Variants in LYN observed in about 807,000 individuals in gnomAD.
LYN encodes the protein tyrosine-protein kinase Lyn.
Under a neutral mutation model 65.0 loss-of-function variants are expected in LYN, and 12 were observed. That is an observed-to-expected ratio of 0.18 (90% CI 0.12 to 0.30). The LOEUF (loss-of-function observed/expected upper bound fraction) is 0.30, where lower values mean the gene tolerates loss of function less well. LYN is among the 10% of genes least tolerant of loss of function. LYN has a pLI of 1.00. For synonymous variants in LYN, 222 were observed against 221.2 expected, an observed-to-expected ratio of 1.00 and a Z score of -0.03; for missense variants, 380 against 623.2, an observed-to-expected ratio of 0.61 and a Z score of 4.16.
At chr8:55,901,118 C>T (rs573032961) in intron 1 of LYN, among the ~76,000 whole-genome samples, 4 of 152,062 alleles carry the variant, frequency 2.6e-5, no homozygotes, top group Non-Finnish European at 4.4e-5. Flanking sequence ...TTGGGCACTT[C>T]GTGGCCGTGT....
chr8:55,995,187 T>C (rs1371042055), intron 10 of LYN, among the ~76,000 whole-genome samples: 1 of 152,144 alleles, frequency 6.6e-6, no homozygotes, highest in African/African-American at 2.4e-5. Context: ...TGCCACTGCC[T>C]GCTGTTTCTG....
chr8:55,890,901 G>A (rs1033760808), intron 1 of LYN, among the ~76,000 whole-genome samples: 12 of 151,788 alleles, frequency 7.9e-5, no homozygotes, highest in African/African-American at 2.7e-4. Flanking sequence ...CTAGTTTTTT[G>A]TATTTTTTGT....
chr8:55,966,876 A>G lies in LYN; in HGVS notation c.952A>G (p.Ile318Val). The G allele has an allele frequency of 6.2e-7, 1 of 1,613,870 alleles. No homozygotes were observed. The highest frequency in any genetic ancestry group is 1.1e-5 in the South Asian group (1 of 91,040). ...CACCAGGGAGGAGCCCATTTACATCATCACCGAGTACATGGCCAAGGGTGA... is the reference window on the plus strand; with the variant it reads ...CACCAGGGAGGAGCCCATTTACATCGTCACCGAGTACATGGCCAAGGGTGA... Reference protein sequence around the residue: ...VVTREEPIYIITEYMAKGSLL... With the variant: ...VVTREEPIYIVTEYMAKGSLL... The change falls in exon 9 of 13, where the codon ATC becomes GTC. Residue 318 changes from isoleucine (I) to valine (V), a missense_variant. Ile to Val is a conservative substitution (Grantham distance 29, BLOSUM62 3). Transcript: ENST00000519728.
intron 1 of LYN, among the ~76,000 whole-genome samples, chr8:55,923,940 T>C (rs953034793): frequency 1.3e-5 from 2 of 152,134 alleles, no homozygotes; most frequent in Non-Finnish European, 2.9e-5. Flanking sequence ...TATATTATTC[T>C]TAAATGACCA....
intron 1 of LYN, among the ~76,000 whole-genome samples, chr8:55,913,415 G>T (rs1805696748): frequency 1.3e-5 from 2 of 152,138 alleles, no homozygotes; most frequent in Non-Finnish European, 2.9e-5. Context: ...CAGGGCCCAA[G>T]AATCTATATT....
intron 1 of LYN, among the ~76,000 whole-genome samples, chr8:55,931,437 A>G (rs1237078154): frequency 2.7e-5 from 4 of 150,918 alleles, no homozygotes; most frequent in Admixed American, 2.0e-4. Context: ...GATTTTATAC[A>G]TATATAAAAT....
chr8:55,899,285 A>G (rs1244456039), intron 1 of LYN, among the ~76,000 whole-genome samples: 1 of 152,192 alleles, frequency 6.6e-6, no homozygotes, highest in Non-Finnish European at 1.5e-5. Context: ...ATGCTTGGGG[A>G]TAATAAATAT....
At position 56,012,780 on chromosome 8, in the gene LYN, G is replaced by A. The variant is rs2130609328; in HGVS notation, c.*2670G>A. On this transcript the variant is annotated 3_prime_UTR_variant, in exon 13 of 13. Coordinates refer to ENST00000519728, the MANE Select transcript of LYN (RefSeq NM_002350.4). ...GTGAATATAATGTATGCTCAGTCTT[G>A]AGAGTCACCATTTGGTTTGACCCAT... The A allele has an allele frequency of 6.6e-6, 1 of 151,996 alleles. No homozygotes were observed. The highest frequency in any genetic ancestry group is 3.5e-3 in the Middle Eastern group (1 of 288). The allele number at this position is 151,996 out of a possible 1,614,324, so 9.4% of individuals were successfully genotyped here. A position where few individuals can be genotyped will look rare whatever the true frequency, so the allele number is the denominator to read the frequency against.
chr8:55,961,458 C>T (rs2719267), intron 8 of LYN, among the ~76,000 whole-genome samples: 63,781 of 151,854 alleles, frequency 0.42, 13,750 homozygotes, highest in Middle Eastern at 0.55. Context: ...TGAAAACCAC[C>T]CTATTGTTTC....
intron 1 of LYN, among the ~76,000 whole-genome samples, chr8:55,938,364 C>G (rs1321034554): frequency 2.0e-5 from 3 of 152,160 alleles, no homozygotes; most frequent in Non-Finnish European, 1.5e-5. Flanking sequence ...ATTTACTGTT[C>G]AAAAAATGGT....
intron 1 of LYN, among the ~76,000 whole-genome samples, chr8:55,907,557 G>A (rs1805463028): frequency 6.6e-6 from 1 of 152,074 alleles, no homozygotes; most frequent in Non-Finnish European, 1.5e-5. Flanking sequence ...CATTGTAGGT[G>A]CTTTTTTTTT....
intron 8 of LYN, among the ~76,000 whole-genome samples, chr8:55,954,336 A>G (rs1330382042): frequency 2.0e-5 from 3 of 152,198 alleles, no homozygotes; most frequent in African/African-American, 7.2e-5. Context: ...AGGTTATCTT[A>G]GGGCTGGAAC....
At chr8:55,909,346 A>T (rs562395163) in intron 1 of LYN, among the ~76,000 whole-genome samples, 2 of 152,274 alleles carry the variant, frequency 1.3e-5, no homozygotes. Flanking sequence ...AGTGGGGACC[A>T]GCCATCCAGG....
chr8:55,891,225 G>T (rs1251425984), intron 1 of LYN, among the ~76,000 whole-genome samples: 3 of 151,952 alleles, frequency 2.0e-5, no homozygotes, highest in Non-Finnish European at 2.9e-5. Context: ...GGTGGTGCAT[G>T]CCTGTAATCC....
chr8:55,957,536 A>G (rs1465388910), intron 8 of LYN, among the ~76,000 whole-genome samples: 1 of 152,254 alleles, frequency 6.6e-6, no homozygotes, highest in African/African-American at 2.4e-5. Flanking sequence ...CTGTGAAGCC[A>G]GGATAAAGCA....
intron 1 of LYN, among the ~76,000 whole-genome samples, chr8:55,931,355 C>T (rs934430295): frequency 1.3e-5 from 2 of 150,086 alleles, no homozygotes; most frequent in South Asian, 2.1e-4. Context: ...ATAATTTGTA[C>T]ACAATGGAAA....
At chr8:55,939,477 A>AGAGAGAGAGAGAGAGAGAGAGAAC (rs2130468831) in intron 1 of LYN, among the ~76,000 whole-genome samples, 1 of 151,980 alleles carries the variant, frequency 6.6e-6, no homozygotes, top group African/African-American at 2.4e-5. Flanking sequence ...AGAGAGAGAG[A>AGAGAGAGAGAGAGAGAGAGAGAAC]GAGAGAGAGA....
chr8:55,916,173 TGA>T (rs1805775720), intron 1 of LYN, among the ~76,000 whole-genome samples: 1 of 152,150 alleles, frequency 6.6e-6, no homozygotes, highest in South Asian at 2.1e-4. Flanking sequence ...AAATTTTTAT[TGA>T]GATGATCATT....
intron 2 of LYN, 99 bp downstream of exon 2, chr8:55,942,090 C>T: frequency 8.1e-7 from 1 of 1,229,464 alleles, no homozygotes; most frequent in East Asian, 2.5e-5. Context: ...AAAAAAATTC[C>T]ATTGATTACT....
Sources: gnomAD v4.1 joint callset for allele counts (sites outside exome capture counted in the v4.1 genomes callset) on GRCh38, gnomAD v4.1.1 for gene constraint, MANE v1.5 for transcripts, NCBI Gene and HGNC (gene_info 2026-07-23, HGNC 2026-07-21) for gene names.